The following AIG1 variants were observed in gnomAD, a reference collection of about 807,000 sequenced individuals.
The protein encoded by AIG1 is androgen induced 1, also known as androgen-induced gene 1 protein.
A neutral mutation model predicts 31.4 loss-of-function variants in AIG1; 23 were observed. The observed-to-expected ratio is 0.73, with a 90% CI of 0.53 to 1.04. AIG1 has a LOEUF of 1.04. AIG1 is among the 50% of genes least tolerant of loss of function. The pLI, the probability that AIG1 is intolerant of heterozygous loss-of-function variation, is 0.00. For missense variants in AIG1, 274 were observed against 295.0 expected (o/e 0.93, Z 0.52); for synonymous variants, 100 against 110.5 (o/e 0.90, Z 0.60).
intron 3 of AIG1, chr6:143,188,879 G>A (rs1789525973): frequency 1.0e-6 from 1 of 985,032 alleles, no homozygotes; most frequent in African/African-American, 1.7e-5. Context: ...TGGCATTTCT[G>A]TAAATTTAAA....
intron 2 of AIG1, among the ~76,000 whole-genome samples, chr6:143,145,501 C>A (rs1583316643): frequency 6.6e-6 from 1 of 151,882 alleles, no homozygotes; most frequent in African/African-American, 2.4e-5. Context: ...GGAGCCCTCC[C>A]CCAGTGTATG....
At position 143,268,788 on chromosome 6, in the gene AIG1, C is replaced by T. The variant is rs1448082681; in HGVS notation, c.400-15322C>T. Among the ~76,000 whole-genome samples, 3 of 152,240 alleles carry T rather than the reference C, an allele frequency of 2.0e-5. No individual in the cohort carries two copies. Among genetic ancestry groups the T allele is most frequent in the Non-Finnish European group, 4.4e-5 (3 of 68,048 alleles). Reference sequence around the variant, plus strand: ...GTTTGGTGGATGCCAGGATGTGCCACACAGGTCCCCTTTGGGGATTGGACT... The same window carrying T: ...GTTTGGTGGATGCCAGGATGTGCCATACAGGTCCCCTTTGGGGATTGGACT... On this transcript the variant is annotated intron_variant, in intron 3 of 5. Transcript: ENST00000357847. The surrounding 1 kb of genome is among the most constrained non-coding windows in gnomAD (Gnocchi z 5.0).
At chr6:143,337,435 C>G (rs1458768136) in intron 5 of AIG1, among the ~76,000 whole-genome samples, 1 of 152,092 alleles carries the variant, frequency 6.6e-6, no homozygotes, top group African/African-American at 2.4e-5. Context: ...GGCATTCTCT[C>G]CCAATCTGAG....
At chr6:143,282,319 T>G (rs1260324396) in intron 3 of AIG1, among the ~76,000 whole-genome samples, 4 of 152,174 alleles carry the variant, frequency 2.6e-5, no homozygotes, top group African/African-American at 9.7e-5. Flanking sequence ...TCTGCAGGTA[T>G]TTTTCTTTTA....
At chr6:143,287,222 C>T (rs148095842) in intron 4 of AIG1, among the ~76,000 whole-genome samples, 1 of 152,184 alleles carries the variant, frequency 6.6e-6, no homozygotes, top group African/African-American at 2.4e-5. Context: ...ACAGAGGTCT[C>T]CTTGGTGTCT....
chr6:143,115,028 C>A (rs535433541), intron 1 of AIG1, among the ~76,000 whole-genome samples: 2 of 152,322 alleles, frequency 1.3e-5, no homozygotes, highest in East Asian at 3.9e-4. Flanking sequence ...AGCATTTTCT[C>A]AAGTTGCTAA....
chr6:143,309,101 C>G (rs563714395), intron 4 of AIG1, among the ~76,000 whole-genome samples: 1 of 151,894 alleles, frequency 6.6e-6, no homozygotes, highest in East Asian at 1.9e-4. Context: ...AGAAATCATG[C>G]AAGCAAGAGG....
At chr6:143,227,506 T>A (rs1277871340) in intron 3 of AIG1, among the ~76,000 whole-genome samples, 3 of 152,174 alleles carry the variant, frequency 2.0e-5, no homozygotes, top group Non-Finnish European at 4.4e-5. Flanking sequence ...TTCTTGGATC[T>A]AAGAGATTGT....
intron 5 of AIG1, among the ~76,000 whole-genome samples, chr6:143,336,046 C>T (rs187896984): frequency 6.6e-6 from 1 of 152,088 alleles, no homozygotes; most frequent in East Asian, 1.9e-4. Flanking sequence ...CCACTTTACT[C>T]AGTCACATTA....
At chr6:143,138,102 A>G (rs1004763464) in intron 2 of AIG1, among the ~76,000 whole-genome samples, 7 of 152,190 alleles carry the variant, frequency 4.6e-5, no homozygotes. Flanking sequence ...CTTGGATGAA[A>G]TAAATAGCCC....
intron 2 of AIG1, among the ~76,000 whole-genome samples, chr6:143,160,550 A>G (rs988472093): frequency 6.6e-6 from 1 of 152,200 alleles, no homozygotes; most frequent in Non-Finnish European, 1.5e-5. Context: ...CTGGCAGCCA[A>G]GAAGCAGCAG....
At chr6:143,111,406 C>T (rs1057131063) in intron 1 of AIG1, among the ~76,000 whole-genome samples, 1 of 152,212 alleles carries the variant, frequency 6.6e-6, no homozygotes, top group Non-Finnish European at 1.5e-5. Flanking sequence ...TTGCGGCTTT[C>T]TTGATATTTA....
At chr6:143,151,749 G>A (rs1274457102) in intron 2 of AIG1, among the ~76,000 whole-genome samples, 1 of 152,078 alleles carries the variant, frequency 6.6e-6, no homozygotes, top group Non-Finnish European at 1.5e-5. Context: ...ATTATCAGGT[G>A]GACTAAAAAA....
intron 3 of AIG1, among the ~76,000 whole-genome samples, chr6:143,216,481 A>G (rs551576824): frequency 1.3e-5 from 2 of 152,304 alleles, no homozygotes; most frequent in African/African-American, 4.8e-5. Context: ...TGCCTGGATG[A>G]TAGCTTACTG....
At chr6:143,060,427 G>T, upstream of AIG1, 1 of 191,884 alleles carries the variant, frequency 5.2e-6, no homozygotes, top group Non-Finnish European at 1.2e-5. Flanking sequence ...CGATTCCGGG[G>T]CGGGAACATT....
At chr6:143,110,885 A>G (rs1781219567) in intron 1 of AIG1, among the ~76,000 whole-genome samples, 1 of 152,236 alleles carries the variant, frequency 6.6e-6, no homozygotes, top group Non-Finnish European at 1.5e-5. Flanking sequence ...TCTGAAGTAC[A>G]TTCATTGATG....
intron 1 of AIG1, among the ~76,000 whole-genome samples, chr6:143,133,291 G>GT (rs1285125478): frequency 6.6e-6 from 1 of 152,040 alleles, no homozygotes; most frequent in Non-Finnish European, 1.5e-5. Flanking sequence ...CCAGGGCTAT[G>GT]TTAGTGCCAC....
chr6:143,115,838 C>T lies in AIG1; in HGVS notation c.142-20997C>T, dbSNP rs149576401. 9.2e-5 allele frequency among the ~76,000 whole-genome samples: 14 copies of T among 152,254 alleles called. 1 individual carries two copies. In the East Asian group the frequency reaches 2.5e-3, roughly 27 times the overall value. ...TAGATTCATAAAGTAGTAGAGTTCC[C>T]GACAGGTGTACTGGCTGTGTCCTGA... On this transcript the variant is annotated intron_variant, in intron 1 of 5. Coordinates refer to ENST00000357847, the MANE Select transcript of AIG1 (RefSeq NM_016108.4).
At chr6:143,121,913 T>G (rs534375661) in intron 1 of AIG1, among the ~76,000 whole-genome samples, 2 of 152,354 alleles carry the variant, frequency 1.3e-5, no homozygotes, top group African/African-American at 4.8e-5. Flanking sequence ...AGCTTCCTAA[T>G]GTAAAATTTA....
Sources: gnomAD v4.1 joint callset for allele counts (sites outside exome capture counted in the v4.1 genomes callset) on GRCh38, gnomAD v4.1.1 for gene constraint, Gnocchi (gnomAD v3.1) non-coding constraint, MANE v1.5 for transcripts, NCBI Gene and HGNC (gene_info 2026-07-23, HGNC 2026-07-21) for gene names.